Variants in KPNA4 observed in about 807,000 individuals in gnomAD.
KPNA4 encodes karyopherin subunit alpha 4, also known as importin subunit alpha-3.
Under a neutral mutation model 71.3 loss-of-function variants are expected in KPNA4, and 13 were observed. The ratio of observed to expected loss-of-function variants is 0.18; its 90% CI spans 0.12 to 0.29. The LOEUF (loss-of-function observed/expected upper bound fraction) is 0.29, where lower values mean the gene tolerates loss of function less well. Ranked by LOEUF, KPNA4 falls within the 10% of genes least tolerant of loss-of-function variation. KPNA4 has a pLI of 1.00. For missense variants in KPNA4, 334 were observed against 603.2 expected, an observed-to-expected ratio of 0.55 and a Z score of 4.67; for synonymous variants, 189 against 195.2, an observed-to-expected ratio of 0.97 and a Z score of 0.26.
chr3:160,544,950 G>C (rs902426214), intron 1 of KPNA4, among the ~76,000 whole-genome samples: 2 of 152,108 alleles, frequency 1.3e-5, no homozygotes, highest in Non-Finnish European at 2.9e-5. Context: ...ATAGGATTTT[G>C]TAACTGGAGA....
intron 11 of KPNA4, among the ~76,000 whole-genome samples, chr3:160,516,792 T>C (rs1010859016): frequency 1.8e-4 from 28 of 151,962 alleles, no homozygotes; most frequent in Non-Finnish European, 3.5e-4. Flanking sequence ...ACAAAAAACA[T>C]AGTGCCTTTC....
intron 1 of KPNA4, among the ~76,000 whole-genome samples, chr3:160,545,850 A>G (rs538430814): frequency 6.2e-5 from 7 of 112,828 alleles, no homozygotes; most frequent in African/African-American, 1.8e-4. Context: ...AAATTTGCTA[A>G]CAGACTGGAT....
rs561461821 is a variant in KPNA4 at position 160,507,991 on chromosome 3, T to A, written c.1372+116A>T. On this transcript the variant is annotated intron_variant, in intron 15 of 16. Transcript: ENST00000334256. The stretch of plus-strand genomic sequence containing the variant: ...CATATAGAATACAATATTTACTTTA[T>A]TCTGTTACTTGAATATCTAAGACAG... 2.2e-5 allele frequency: 17 copies of A among 772,200 alleles called. No homozygotes were observed. The South Asian group carries it at 3.6e-4, about 17-fold the overall frequency. The allele number at this position is 772,200 out of a possible 1,614,324, so 47.8% of individuals were successfully genotyped here.
At chr3:160,558,294 G>A (rs755971625) in intron 1 of KPNA4, among the ~76,000 whole-genome samples, 9 of 152,094 alleles carry the variant, frequency 5.9e-5, no homozygotes, top group Non-Finnish European at 1.3e-4. Flanking sequence ...TGTATGATGT[G>A]GTTTGGATTA....
chr3:160,530,713 T>C, intron 7 of KPNA4, 142 bp downstream of exon 7: 1 of 584,812 alleles, frequency 1.7e-6, no homozygotes, highest in South Asian at 2.5e-5. Flanking sequence ...TAAAGTAACA[T>C]ACTTAAGTTG....
rs147052005 is a variant in KPNA4, at chr3:160,528,328, T to C, written c.470-289A>G. On this transcript the variant is annotated intron_variant, in intron 7 of 16. Transcript: ENST00000334256. The stretch of plus-strand genomic sequence containing the variant: ...TTCAAGATTAATTCCTTATAGATTA[T>C]CTGTAGTTTGAAAAAAAAAAGTACA... 4.4e-4 allele frequency among the ~76,000 whole-genome samples: 67 copies of C among 152,132 alleles called. No homozygotes were observed. The East Asian group carries it at 0.013, about 29-fold the overall frequency.
At chr3:160,502,427 G>A (rs1285544140) in intron 16 of KPNA4, among the ~76,000 whole-genome samples, 1 of 151,748 alleles carries the variant, frequency 6.6e-6, no homozygotes, top group Admixed American at 6.6e-5. Flanking sequence ...CTGGAGATGA[G>A]TAGCACAAAC....
In KPNA4 at chr3:160,508,166, A is replaced by G; in HGVS notation, c.1313T>C (p.Ile438Thr). The change falls in exon 15 of 17, where the codon ATA (isoleucine) becomes ACA (threonine). Residue 438 changes from isoleucine to threonine, a missense_variant. By Grantham distance (89) the Ile-to-Thr change is moderately conservative (BLOSUM62 -1). Transcript: ENST00000334256. Reference sequence around the variant, plus strand: ...TGCCTCATCTTCAGCCATTTTTAATATATTACTTAGTCCATCGAGTACTAC... The same window carrying G: ...TGCCTCATCTTCAGCCATTTTTAATGTATTACTTAGTCCATCGAGTACTAC... Reference protein sequence around the residue: ...VQVVLDGLSNILKMAEDEAET... With the variant: ...VQVVLDGLSNTLKMAEDEAET... 6.2e-7 allele frequency: 1 copy of G among 1,612,020 alleles called. No homozygotes were observed.
chr3:160,518,274 T>C (rs1417057807), intron 11 of KPNA4, among the ~76,000 whole-genome samples: 3 of 151,782 alleles, frequency 2.0e-5, no homozygotes, highest in African/African-American at 7.3e-5. Flanking sequence ...TAGCTGGGAC[T>C]ACAGGCGCCC....
chr3:160,557,604 G>A (rs1016030863), intron 1 of KPNA4, among the ~76,000 whole-genome samples: 1 of 151,992 alleles, frequency 6.6e-6, no homozygotes, highest in Non-Finnish European at 1.5e-5. Flanking sequence ...AAAATTTAGG[G>A]AAAAAATGAC....
intron 16 of KPNA4, among the ~76,000 whole-genome samples, chr3:160,504,391 T>C (rs1720940663): frequency 6.6e-6 from 1 of 152,216 alleles, no homozygotes; most frequent in African/African-American, 2.4e-5. Flanking sequence ...ATTGGTTTAA[T>C]TTTAGATTTA....
intron 11 of KPNA4, 95 bp from the exon 12 acceptor site, chr3:160,515,675 T>C (rs1560046099): frequency 1.6e-5 from 22 of 1,374,176 alleles, no homozygotes; most frequent in Non-Finnish European, 1.6e-5. Flanking sequence ...AGTGCAGTGG[T>C]GCGATCTCAG....
intron 1 of KPNA4, among the ~76,000 whole-genome samples, chr3:160,544,490 C>T (rs912756529): frequency 1.3e-5 from 2 of 152,102 alleles, no homozygotes; most frequent in South Asian, 4.1e-4. Context: ...CAAATGCTAC[C>T]AAGAATGATC....
chr3:160,537,317 A>C (rs1721710159), intron 1 of KPNA4, among the ~76,000 whole-genome samples: 1 of 151,020 alleles, frequency 6.6e-6, no homozygotes. Flanking sequence ...CATGATTCTG[A>C]CACGTCTATC....
chr3:160,530,296 T>C (rs1430991636), intron 7 of KPNA4, among the ~76,000 whole-genome samples: 3 of 151,984 alleles, frequency 2.0e-5, no homozygotes, highest in Non-Finnish European at 4.4e-5. Context: ...GGTGAAACCC[T>C]GTCTCTACAA....
chr3:160,531,492 A>G lies in KPNA4; in HGVS notation c.353T>C (p.Ile118Thr), dbSNP rs764000281. The change falls in exon 6 of 17, where the codon ATT (isoleucine) becomes ACT (threonine). Residue 118 changes from isoleucine to threonine, a missense_variant. Physicochemically the swap from Ile to Thr is moderately conservative, Grantham distance 89. Coordinates refer to ENST00000334256, the MANE Select transcript of KPNA4 (RefSeq NM_002268.5). ...ATCTCTTTCAAGACAATGGACTAAA[A>G]TGGGCAATATTCCAGATTTTATTAA... The part of the protein sequence containing the change: ...DDLIKSGILP[I>T]LVHCLERDDN... 2 of 1,584,930 alleles carry G rather than the reference A, an allele frequency of 1.3e-6. No individual in the cohort carries two copies.
At chr3:160,552,021 A>G (rs1011854863) in intron 1 of KPNA4, among the ~76,000 whole-genome samples, 5 of 149,136 alleles carry the variant, frequency 3.4e-5, no homozygotes, top group African/African-American at 1.2e-4. Flanking sequence ...TGTACAGGAC[A>G]CTCCCCCATC....
intron 5 of KPNA4, 75 bp from the exon 6 acceptor site, chr3:160,531,632 C>A (rs1048485870): frequency 2.9e-6 from 2 of 689,534 alleles, no homozygotes; most frequent in Non-Finnish European, 4.6e-6. Context: ...TCATATTTGA[C>A]AAATATTAAC....
In KPNA4 at chr3:160,496,356, G is replaced by A. The variant is rs1720763502; in HGVS notation, c.*5748C>T. 1 of 152,286 alleles carries A rather than the reference G, an allele frequency of 6.6e-6. No individual in the cohort carries two copies. Among genetic ancestry groups the A allele is most frequent in the Non-Finnish European group, 1.5e-5 (1 of 68,108 alleles). 9.4% of individuals were successfully genotyped at this position (152,286 alleles called of 1,614,324 possible). On this transcript the variant is annotated 3_prime_UTR_variant, in exon 17 of 17. Coordinates refer to ENST00000334256, the MANE Select transcript of KPNA4 (RefSeq NM_002268.5). ...AACATCAGAGGAATGGAGAGGACAG[G>A]ACAGTGAGGGAATTATCTGGAAGGT...
Sources: gnomAD v4.1 joint callset for allele counts (sites outside exome capture counted in the v4.1 genomes callset) on GRCh38, gnomAD v4.1.1 for gene constraint, MANE v1.5 for transcripts, NCBI Gene and HGNC (gene_info 2026-07-23, HGNC 2026-07-21) for gene names.